The following YTHDF3 variants were observed in gnomAD, a reference collection of about 807,000 sequenced individuals.
YTHDF3 encodes the protein YTH domain-containing family protein 3.
YTHDF3 carries 9 observed loss-of-function variants against 52.5 expected under a neutral mutation model. The observed-to-expected ratio is 0.17, with a 90% CI of 0.10 to 0.30. The LOEUF is 0.30. Ranked by LOEUF, YTHDF3 falls within the 10% of genes least tolerant of loss-of-function variation. The probability of loss-of-function intolerance (pLI) is 1.00; values close to 1 mark genes in which losing one functional copy is unlikely to be tolerated. For missense variants in YTHDF3, 534 were observed against 715.0 expected (o/e 0.75, Z 2.89); for synonymous variants, 274 against 243.3 (o/e 1.13, Z -1.18).
At chr8:63,197,825 A>G (rs1202859073) in intron 4 of YTHDF3, among the ~76,000 whole-genome samples, 1 of 152,228 alleles carries the variant, frequency 6.6e-6, no homozygotes, top group African/African-American at 2.4e-5. Flanking sequence ...TATAAATTCA[A>G]ATAGTCTGCA....
intron 4 of YTHDF3, among the ~76,000 whole-genome samples, chr8:63,202,898 C>T (rs919796662): frequency 1.4e-4 from 22 of 152,074 alleles, no homozygotes; most frequent in Non-Finnish European, 2.8e-4. Context: ...TTATGAACAT[C>T]GTCTTTTCTT....
chr8:63,210,056 T>TA lies in YTHDF3; in HGVS notation c.*351dup, dbSNP rs1554541554. ...TTGTTAAATACTAACAGTTAACCAT[T>TA]AGAAGTGGTTCAATGATGTAAGAGT... is the stretch of plus-strand genomic sequence containing the variant. On this transcript the variant is annotated 3_prime_UTR_variant, in exon 5 of 5. Transcript: ENST00000539294. The TA allele has an allele frequency of 2.1e-5, 4 of 191,658 alleles. No individual in the cohort carries two copies. The highest frequency in any genetic ancestry group is 1.2e-4 in the Admixed American group (2 of 17,084). The allele number at this position is 191,658 out of a possible 1,614,324, so 11.9% of individuals were successfully genotyped here. A position where few individuals can be genotyped will look rare whatever the true frequency, so the allele number is the denominator to read the frequency against.
At chr8:63,197,487 C>A (rs1303373502) in intron 4 of YTHDF3, among the ~76,000 whole-genome samples, 5 of 152,076 alleles carry the variant, frequency 3.3e-5, no homozygotes, top group African/African-American at 1.2e-4. Context: ...CACTTATTGT[C>A]TAATCTTTTT....
At chr8:63,188,066 G>A (rs1023671176) in intron 4 of YTHDF3, among the ~76,000 whole-genome samples, 1 of 152,056 alleles carries the variant, frequency 6.6e-6, no homozygotes, top group Non-Finnish European at 1.5e-5. Flanking sequence ...ACTAACCAGG[G>A]GCTCTAATCA....
chr8:63,188,355 G>C (rs1392910398), intron 4 of YTHDF3, among the ~76,000 whole-genome samples: 1 of 150,862 alleles, frequency 6.6e-6, no homozygotes, highest in Non-Finnish European at 1.5e-5. Flanking sequence ...TTTTCAGACA[G>C]GGTCTCTCTT....
At chr8:63,178,690 T>C (rs1807864726) in intron 3 of YTHDF3, among the ~76,000 whole-genome samples, 1 of 152,234 alleles carries the variant, frequency 6.6e-6, no homozygotes, top group Non-Finnish European at 1.5e-5. Flanking sequence ...AAGATACATA[T>C]TTACATTTTA....
intron 4 of YTHDF3, among the ~76,000 whole-genome samples, chr8:63,191,331 T>C (rs1159412759): frequency 6.6e-6 from 1 of 152,186 alleles, no homozygotes; most frequent in African/African-American, 2.4e-5. Flanking sequence ...TCTTTTTCTC[T>C]TCATTTGGAG....
intron 4 of YTHDF3, among the ~76,000 whole-genome samples, chr8:63,192,736 CCTGT>C: frequency 6.6e-6 from 1 of 151,390 alleles, no homozygotes; most frequent in Non-Finnish European, 1.5e-5. Flanking sequence ...GGATGTGCTG[CCTGT>C]CTATTCTAGG....
chr8:63,179,315 A>T (rs373188574), intron 3 of YTHDF3, among the ~76,000 whole-genome samples: 1 of 152,020 alleles, frequency 6.6e-6, no homozygotes, highest in South Asian at 2.1e-4. Context: ...AGGTCAGCAG[A>T]TAAACAAGTG....
At chr8:63,186,121 A>G (rs750961936) in intron 3 of YTHDF3, 26 bp from the exon 4 acceptor site, 2 of 1,574,980 alleles carry the variant, frequency 1.3e-6, no homozygotes, top group Admixed American at 1.8e-5. Flanking sequence ...ACATTTCGCT[A>G]CTGATTGTGA....
intron 3 of YTHDF3, among the ~76,000 whole-genome samples, chr8:63,183,152 G>A (rs1475030249): frequency 2.0e-5 from 3 of 151,848 alleles, no homozygotes; most frequent in African/African-American, 7.3e-5. Flanking sequence ...GTAGAGATGG[G>A]GTTTCACCAT....
intron 3 of YTHDF3, 32 bp downstream of exon 3, chr8:63,175,448 A>C (rs747764882): frequency 1.3e-6 from 2 of 1,530,274 alleles, no homozygotes; most frequent in Middle Eastern, 1.7e-4. Context: ...GATTTTAGGA[A>C]ATTAACCTTT....
intron 4 of YTHDF3, among the ~76,000 whole-genome samples, chr8:63,205,044 G>A (rs1023563573): frequency 3.3e-5 from 5 of 152,070 alleles, no homozygotes; most frequent in African/African-American, 1.2e-4. Context: ...AAAAAGACAG[G>A]AGTTGGCAGT....
At chr8:63,191,864 A>T (rs1009838994) in intron 4 of YTHDF3, among the ~76,000 whole-genome samples, 3 of 152,158 alleles carry the variant, frequency 2.0e-5, no homozygotes, top group African/African-American at 7.2e-5. Context: ...GTAGTTTTCT[A>T]TTACATGGAT....
At chr8:63,205,436 C>CTT (rs908105956) in intron 4 of YTHDF3, among the ~76,000 whole-genome samples, 30 of 139,690 alleles carry the variant, frequency 2.1e-4, no homozygotes, top group African/African-American at 5.2e-4. Flanking sequence ...CTTTTTCTTT[C>CTT]TTTTTTTTTT....
chr8:63,171,049 G>A (rs143716331), intron 2 of YTHDF3, among the ~76,000 whole-genome samples: 33 of 152,258 alleles, frequency 2.2e-4, no homozygotes, highest in Non-Finnish European at 7.4e-5. Flanking sequence ...TATCGCTTCT[G>A]TTAGTTGTAT....
intron 4 of YTHDF3, among the ~76,000 whole-genome samples, chr8:63,198,196 G>A (rs1182539561): frequency 6.6e-6 from 1 of 151,960 alleles, no homozygotes; most frequent in Non-Finnish European, 1.5e-5. Context: ...TACATAGTTG[G>A]CCATTTCTTT....
intron 4 of YTHDF3, 123 bp downstream of exon 4, chr8:63,187,868 A>G (rs1394492651): frequency 3.7e-6 from 4 of 1,088,368 alleles, no homozygotes; most frequent in East Asian, 2.6e-5. Flanking sequence ...CAACTCTACA[A>G]ACACCCTTGA....
At chr8:63,170,964 T>C (rs1277059516) in intron 2 of YTHDF3, among the ~76,000 whole-genome samples, 1 of 152,190 alleles carries the variant, frequency 6.6e-6, no homozygotes, top group East Asian at 1.9e-4. Flanking sequence ...AGTTGAGTTA[T>C]CTATAAACTG....
Sources: allele counts gnomAD v4.1 joint callset (sites outside exome capture counted in the v4.1 genomes callset), GRCh38; gene constraint gnomAD v4.1.1; transcripts MANE v1.5; gene names NCBI Gene and HGNC (gene_info 2026-07-23, HGNC 2026-07-21).